The following ANO4 variants were observed in gnomAD, a reference collection of about 807,000 sequenced individuals.
ANO4 encodes the protein anoctamin 4.
Under a neutral mutation model 141.9 loss-of-function variants are expected in ANO4, and 69 were observed. That is an observed-to-expected ratio of 0.49 (90% CI 0.40 to 0.59). The LOEUF (loss-of-function observed/expected upper bound fraction) is 0.59, where lower values mean the gene tolerates loss of function less well. Among genes scored for constraint, ANO4 ranks in the 20% least tolerant of loss-of-function variants. ANO4 has a pLI of 0.00. For missense variants in ANO4, 894 were observed against 1,162.2 expected, an observed-to-expected ratio of 0.77 and a Z score of 3.36; for synonymous variants, 350 against 394.3, an observed-to-expected ratio of 0.89 and a Z score of 1.33.
Position 100,728,876 on chromosome 12 carries a change from T to TA in ANO4, c.23-4897dup, listed in dbSNP as rs528669678. ...TGAGGAAGAAAAATGTGTAATGTAATATATAATTATAAAATGAATGCCATG... is the reference window on the plus strand; with the variant it reads ...TGAGGAAGAAAAATGTGTAATGTAATAATATAATTATAAAATGAATGCCATG... On this transcript the variant is annotated intron_variant, in intron 1 of 29. Transcript: ENST00000644049. Among the ~76,000 whole-genome samples, 78 of 152,264 alleles carry TA rather than the reference T, an allele frequency of 5.1e-4. 1 individual carries two copies. In the South Asian group the frequency reaches 0.015, roughly 30 times the overall value.
At chr12:100,770,542 A>G (rs1246613992) in intron 3 of ANO4, among the ~76,000 whole-genome samples, 1 of 152,206 alleles carries the variant, frequency 6.6e-6, no homozygotes, top group Non-Finnish European at 1.5e-5. Context: ...AGAAACCAAG[A>G]TAGAGTCAAA....
chr12:100,853,362 C>G (rs1383436962), intron 1 of ANO4, among the ~76,000 whole-genome samples: 2 of 152,052 alleles, frequency 1.3e-5, no homozygotes, highest in Non-Finnish European at 2.9e-5. Context: ...TATTTCCTTA[C>G]TCCAACTTCA....
chr12:100,759,438 C>A (rs748628647), intron 3 of ANO4, among the ~76,000 whole-genome samples: 31 of 152,184 alleles, frequency 2.0e-4, no homozygotes, highest in Non-Finnish European at 3.8e-4. Context: ...TCAGTCATTT[C>A]TTTCTCCTTG....
At chr12:101,096,470 G>C in intron 18 of ANO4, 66 bp from the exon 19 acceptor site, 1 of 1,272,790 alleles carries the variant, frequency 7.9e-7, no homozygotes, top group Non-Finnish European at 1.1e-6. Context: ...TGTGGGGAGG[G>C]AAAGAGAGGG....
In ANO4 at chr12:101,086,653, C is replaced by G; in HGVS notation, c.1537-7C>G. ...GAGGTTCACCGGGTGTCTTGTCTTC[C>G]TGCCAGATCTGCGTGGTGATTGCTG... On this transcript the variant is annotated splice_region_variant and splice_polypyrimidine_tract_variant and intron_variant, in intron 16 of 27. Coordinates refer to ENST00000392977, the MANE Select transcript of ANO4 (RefSeq NM_001286615.2). The G allele has an allele frequency of 6.2e-7, 1 of 1,613,198 alleles. No homozygotes were observed. The highest frequency in any genetic ancestry group is 8.5e-7 in the Non-Finnish European group (1 of 1,179,624).
chr12:100,908,436 C>A (rs950025947), intron 2 of ANO4, among the ~76,000 whole-genome samples: 3 of 152,034 alleles, frequency 2.0e-5, no homozygotes, highest in Non-Finnish European at 4.4e-5. Flanking sequence ...CTACATATGT[C>A]GAGTATTGGT....
intron 8 of ANO4, among the ~76,000 whole-genome samples, 176 bp downstream of exon 8, chr12:100,987,846 G>T (rs2044785589): frequency 6.6e-6 from 1 of 152,156 alleles, no homozygotes. Context: ...GATAACTGCT[G>T]TAACCAACAA....
At chr12:100,729,616 T>C (rs2136791477) in intron 1 of ANO4, among the ~76,000 whole-genome samples, 1 of 152,272 alleles carries the variant, frequency 6.6e-6, no homozygotes, top group Non-Finnish European at 1.5e-5. Flanking sequence ...TGTTCATTAA[T>C]CTCATTCATA....
At chr12:101,122,109 G>A (rs2051121960) in intron 26 of ANO4, among the ~76,000 whole-genome samples, 1 of 152,064 alleles carries the variant, frequency 6.6e-6, no homozygotes, top group Admixed American at 6.6e-5. Flanking sequence ...TCTCATTGTG[G>A]TTTTGATTTG....
chr12:101,097,236 C>G (rs893641575), intron 19 of ANO4, among the ~76,000 whole-genome samples: 1 of 152,160 alleles, frequency 6.6e-6, no homozygotes, highest in Non-Finnish European at 1.5e-5. Context: ...ACAGCAGTCT[C>G]TCCTTCATTT....
chr12:100,964,806 G>A (rs1482288537), intron 5 of ANO4, among the ~76,000 whole-genome samples: 4 of 152,076 alleles, frequency 2.6e-5, no homozygotes, highest in African/African-American at 9.7e-5. Flanking sequence ...CAAAAGGCTT[G>A]TCCACACCAC....
At chr12:100,793,496 G>A (rs2034130453), upstream of ANO4, among the ~76,000 whole-genome samples, 1 of 152,036 alleles carries the variant, frequency 6.6e-6, no homozygotes. Flanking sequence ...ACAGCAAAAT[G>A]TGCAAATGGT....
chr12:100,837,450 G>A (rs1457370786), intron 1 of ANO4, among the ~76,000 whole-genome samples: 1 of 152,050 alleles, frequency 6.6e-6, no homozygotes, highest in Non-Finnish European at 1.5e-5. Flanking sequence ...CTTTTAAATA[G>A]TCTAACAACT....
chr12:100,969,805 A>G (rs2043839543), intron 5 of ANO4, among the ~76,000 whole-genome samples: 2 of 152,256 alleles, frequency 1.3e-5, no homozygotes. Flanking sequence ...CTTAAATGCC[A>G]TGCAGTCCAG....
At chr12:101,072,692 C>G (rs559882342) in intron 14 of ANO4, among the ~76,000 whole-genome samples, 29 of 152,212 alleles carry the variant, frequency 1.9e-4, no homozygotes, top group African/African-American at 6.5e-4. Flanking sequence ...ATCTACCCAT[C>G]TGACAAAGGG....
chr12:100,767,655 A>G (rs183298557), intron 3 of ANO4, among the ~76,000 whole-genome samples: 28 of 152,374 alleles, frequency 1.8e-4, no homozygotes, highest in African/African-American at 6.3e-4. Flanking sequence ...AGATTTTATC[A>G]TACATTCAGA....
At chr12:101,014,186 A>G (rs928477006) in intron 8 of ANO4, among the ~76,000 whole-genome samples, 1 of 152,196 alleles carries the variant, frequency 6.6e-6, no homozygotes, top group Non-Finnish European at 1.5e-5. Context: ...TACTTGTTAA[A>G]TGACCCAGCA....
chr12:101,019,927 ATGAC>A lies in ANO4; in HGVS notation c.735-99_735-96del. 4 of 829,888 alleles carry A rather than the reference ATGAC, an allele frequency of 4.8e-6. No individual in the cohort carries two copies. The South Asian group carries it at 5.8e-5, about 12-fold the overall frequency. 51.4% of individuals were successfully genotyped at this position (829,888 alleles called of 1,614,324 possible). A position where few individuals can be genotyped will look rare whatever the true frequency, so the allele number is the denominator to read the frequency against. On this transcript the variant is annotated intron_variant, in intron 8 of 27. Transcript: ENST00000392977. ...AGGCTGTTCCAGACACACCCTGTCT[ATGAC>A]TGACTGAAGACATCTGCATCTGAGC...
At chr12:100,889,032 C>A (rs1269041822) in intron 1 of ANO4, among the ~76,000 whole-genome samples, 1 of 118,204 alleles carries the variant, frequency 8.5e-6, no homozygotes, top group Admixed American at 1.0e-4. Flanking sequence ...CCTCCCCCCT[C>A]CCCCCACCCC....
Sources: allele counts gnomAD v4.1 joint callset (sites outside exome capture counted in the v4.1 genomes callset), GRCh38; gene constraint gnomAD v4.1.1; transcripts MANE v1.5; gene names NCBI Gene and HGNC (gene_info 2026-07-23, HGNC 2026-07-21).